Variants in ASIC2 observed in about 807,000 individuals in gnomAD.
The protein encoded by ASIC2 is acid-sensing ion channel 2.
ASIC2 carries 25 observed loss-of-function variants against 57.3 expected under a neutral mutation model. The ratio of observed to expected loss-of-function variants is 0.44; its 90% CI spans 0.32 to 0.61. ASIC2 has a LOEUF of 0.61. ASIC2 is among the 20% of genes least tolerant of loss of function. ASIC2 has a pLI of 0.06. For missense variants in ASIC2, 641 were observed against 738.1 expected, an observed-to-expected ratio of 0.87 and a Z score of 1.52; for synonymous variants, 319 against 307.5, an observed-to-expected ratio of 1.04 and a Z score of -0.39.
intron 1 of ASIC2, among the ~76,000 whole-genome samples, chr17:34,122,730 C>A (rs957479488): frequency 6.6e-6 from 1 of 152,210 alleles, no homozygotes; most frequent in African/African-American, 2.4e-5. Context: ...CACCCTCCCC[C>A]ACTCACACCC....
At chr17:33,377,470 T>C (rs1909322853) in intron 1 of ASIC2, among the ~76,000 whole-genome samples, 1 of 152,240 alleles carries the variant, frequency 6.6e-6, no homozygotes, top group African/African-American at 2.4e-5. Flanking sequence ...TCTCACTGGC[T>C]TCTCATTGCC....
intron 1 of ASIC2, among the ~76,000 whole-genome samples, chr17:33,539,321 C>T (rs8076035): frequency 0.46 from 69,858 of 151,786 alleles, 16,115 homozygotes; most frequent in South Asian, 0.53. Flanking sequence ...TGGTGTCAAT[C>T]AAGGCTGCGC....
At chr17:33,131,113 C>A (rs913623294) in intron 1 of ASIC2, among the ~76,000 whole-genome samples, 9 of 152,124 alleles carry the variant, frequency 5.9e-5, no homozygotes, top group Non-Finnish European at 1.3e-4. Flanking sequence ...TTATTATTTA[C>A]AAAGGGGAGA....
chr17:33,732,562 G>T (rs1398361811), intron 1 of ASIC2, among the ~76,000 whole-genome samples: 1 of 148,212 alleles, frequency 6.7e-6, no homozygotes, highest in African/African-American at 2.5e-5. Flanking sequence ...GCTGTGGTGC[G>T]ATCCTGGCTA....
At chr17:33,298,076 C>T (rs1905795530), upstream of ASIC2, among the ~76,000 whole-genome samples, 1 of 150,488 alleles carries the variant, frequency 6.6e-6, no homozygotes, top group Non-Finnish European at 1.5e-5. Context: ...CCAACTCTGC[C>T]TGAAGCTAGG....
chr17:33,550,564 C>G (rs566302717), intron 1 of ASIC2, among the ~76,000 whole-genome samples: 1 of 152,258 alleles, frequency 6.6e-6, no homozygotes, highest in South Asian at 2.1e-4. Flanking sequence ...ACAGCAGAGG[C>G]TGAAGAGCCA....
chr17:33,799,523 T>G (rs1304984846), intron 1 of ASIC2, among the ~76,000 whole-genome samples: 1 of 149,706 alleles, frequency 6.7e-6, no homozygotes, highest in East Asian at 1.9e-4. Context: ...TCCTTCTTTC[T>G]TCTTTCTTCC....
intron 1 of ASIC2, among the ~76,000 whole-genome samples, chr17:33,332,661 C>T (rs1907360936): frequency 6.6e-6 from 1 of 152,146 alleles, no homozygotes; most frequent in African/African-American, 2.4e-5. Flanking sequence ...GAGGCTGAGG[C>T]AGGTGGATCA....
At chr17:34,051,875 C>CGAGAGAGA (rs763796372) in intron 1 of ASIC2, 2 of 79,710 alleles carry the variant, frequency 2.5e-5, no homozygotes, top group Admixed American at 1.1e-4. Context: ...AGAGAGAGAG[C>CGAGAGAGA]GAGAGAGCGA....
intron 1 of ASIC2, among the ~76,000 whole-genome samples, chr17:33,978,826 C>A (rs1905491924): frequency 6.6e-6 from 1 of 152,132 alleles, no homozygotes; most frequent in Non-Finnish European, 1.5e-5. Context: ...CCAGTGAGTC[C>A]TGGTGCCTAT....
chr17:33,564,093 G>C (rs1916159942), intron 1 of ASIC2, among the ~76,000 whole-genome samples: 1 of 152,184 alleles, frequency 6.6e-6, no homozygotes, highest in Admixed American at 6.5e-5. Context: ...CCCCCCTGAG[G>C]AGGTGAGGCT....
intron 1 of ASIC2, among the ~76,000 whole-genome samples, chr17:34,087,128 C>T (rs1910140108): frequency 6.6e-6 from 1 of 151,596 alleles, no homozygotes; most frequent in African/African-American, 2.4e-5. Context: ...CAGTTTCTTC[C>T]TCGTCTCGAT....
At chr17:33,093,979 C>A (rs900184356) in intron 2 of ASIC2, among the ~76,000 whole-genome samples, 1 of 152,160 alleles carries the variant, frequency 6.6e-6, no homozygotes, top group Non-Finnish European at 1.5e-5. Flanking sequence ...AGTGGGGGAA[C>A]CCTAGCTCCC....
chr17:33,902,076 T>G (rs192903541), intron 1 of ASIC2, among the ~76,000 whole-genome samples: 73 of 152,252 alleles, frequency 4.8e-4, no homozygotes, highest in African/African-American at 1.7e-3. Context: ...TCTCTATCAA[T>G]GCGCTTGTAT....
chr17:34,132,593 G>A (rs536982002), intron 1 of ASIC2, among the ~76,000 whole-genome samples: 2 of 71,870 alleles, frequency 2.8e-5, no homozygotes, highest in South Asian at 9.9e-4. Flanking sequence ...AGTGCTGATT[G>A]GTGCGTTTTA....
intron 1 of ASIC2, among the ~76,000 whole-genome samples, chr17:33,515,468 C>A (rs1414960304): frequency 6.6e-6 from 1 of 152,196 alleles, no homozygotes; most frequent in Non-Finnish European, 1.5e-5. Context: ...CCTCTCTCAG[C>A]CCTGTTTTCT....
chr17:33,644,259 C>T (rs1440675890), intron 1 of ASIC2, among the ~76,000 whole-genome samples: 2 of 152,186 alleles, frequency 1.3e-5, no homozygotes, highest in African/African-American at 2.4e-5. Flanking sequence ...CATGGTGATG[C>T]GTTTTTCCTG....
intron 1 of ASIC2, among the ~76,000 whole-genome samples, chr17:33,217,933 G>C (rs567392241): frequency 6.6e-6 from 1 of 152,272 alleles, no homozygotes; most frequent in Non-Finnish European, 1.5e-5. Flanking sequence ...TGAGAAAAGG[G>C]ACCCAAAATG....
At chr17:33,133,299 C>T (rs973543302) in intron 1 of ASIC2, among the ~76,000 whole-genome samples, 4 of 152,024 alleles carry the variant, frequency 2.6e-5, no homozygotes, top group Non-Finnish European at 4.4e-5. Context: ...TGAGTGAATG[C>T]GAGGGGTGCT....
Sources: allele counts gnomAD v4.1 joint callset (sites outside exome capture counted in the v4.1 genomes callset), GRCh38; gene constraint gnomAD v4.1.1; transcripts MANE v1.5; gene names NCBI Gene and HGNC (gene_info 2026-07-23, HGNC 2026-07-21).